ARHGAP32: variants seen among roughly 807,000 people sequenced by gnomAD.
ARHGAP32 encodes the protein Rho GTPase activating protein 32.
A neutral mutation model predicts 186.5 loss-of-function variants in ARHGAP32; 51 were observed. The observed-to-expected ratio is 0.27, with a 90% CI of 0.22 to 0.35. The LOEUF is 0.35. ARHGAP32 is among the 10% of genes least tolerant of loss of function. The probability of loss-of-function intolerance (pLI) is 1.00; values close to 1 mark genes in which losing one functional copy is unlikely to be tolerated. For synonymous variants in ARHGAP32, 950 were observed against 964.3 expected (o/e 0.99, Z 0.27); for missense variants, 2,186 against 2,623.5 (o/e 0.83, Z 3.64).
intron 10 of ARHGAP32, among the ~76,000 whole-genome samples, chr11:129,047,593 A>G (rs2135059419): frequency 6.6e-6 from 1 of 152,144 alleles, no homozygotes; most frequent in Non-Finnish European, 1.5e-5. Context: ...TCACTACCAT[A>G]CTTGCATGTC....
intron 1 of ARHGAP32, among the ~76,000 whole-genome samples, chr11:129,264,079 G>C (rs926669296): frequency 1.3e-5 from 2 of 152,184 alleles, no homozygotes; most frequent in African/African-American, 4.8e-5. Flanking sequence ...AAATCCTTCC[G>C]CATGCTACAA....
At chr11:129,001,237 T>G (rs958000626) in intron 11 of ARHGAP32, among the ~76,000 whole-genome samples, 4 of 152,224 alleles carry the variant, frequency 2.6e-5, no homozygotes, top group African/African-American at 9.6e-5. Context: ...CTAATTTACA[T>G]TCCCACCAAC....
chr11:129,234,013 C>G (rs1018653170), intron 1 of ARHGAP32, among the ~76,000 whole-genome samples: 1 of 151,656 alleles, frequency 6.6e-6, no homozygotes, highest in African/African-American at 2.4e-5. Context: ...TTAAAAAAAC[C>G]TGAAGCAAGA....
intron 11 of ARHGAP32, among the ~76,000 whole-genome samples, chr11:129,035,807 G>A (rs796978794): frequency 4.6e-5 from 7 of 151,864 alleles, no homozygotes; most frequent in South Asian, 2.1e-4. Flanking sequence ...TCACGCCACC[G>A]CACTCCAGCC....
At chr11:129,053,844 G>A (rs1272179903) in intron 10 of ARHGAP32, among the ~76,000 whole-genome samples, 1 of 152,078 alleles carries the variant, frequency 6.6e-6, no homozygotes, top group Admixed American at 6.6e-5. Context: ...TTACTTAACT[G>A]GAGAGTAAAC....
chr11:129,238,756 AAC>A (rs71057936), intron 1 of ARHGAP32, among the ~76,000 whole-genome samples: 68 of 148,346 alleles, frequency 4.6e-4, no homozygotes, highest in South Asian at 3.9e-3. Context: ...ACTTATTTTA[AAC>A]ACACACACAC....
intron 1 of ARHGAP32, among the ~76,000 whole-genome samples, chr11:129,236,686 A>AT (rs1184879938): frequency 1.3e-5 from 2 of 152,164 alleles, no homozygotes; most frequent in Non-Finnish European, 2.9e-5. Flanking sequence ...ATACAATCAC[A>AT]TATCATCAGC....
At chr11:128,978,688 AT>A in intron 19 of ARHGAP32, 81 bp downstream of exon 19, 1 of 1,422,948 alleles carries the variant, frequency 7.0e-7, no homozygotes. Flanking sequence ...GAAGCAGATC[AT>A]AACAATATGT....
At chr11:129,120,228 G>C (rs1942488195) in intron 5 of ARHGAP32, among the ~76,000 whole-genome samples, 1 of 152,054 alleles carries the variant, frequency 6.6e-6, no homozygotes, top group Admixed American at 6.6e-5. Flanking sequence ...CTGACAGAAA[G>C]AAAGATGCCC....
intron 1 of ARHGAP32, among the ~76,000 whole-genome samples, chr11:129,220,548 T>C (rs969189733): frequency 6.6e-6 from 1 of 152,214 alleles, no homozygotes; most frequent in African/African-American, 2.4e-5. Flanking sequence ...GGTCAAGTTT[T>C]CTCAACATGA....
chr11:129,210,664 G>T (rs1015222344), intron 1 of ARHGAP32, among the ~76,000 whole-genome samples: 4 of 152,122 alleles, frequency 2.6e-5, no homozygotes, highest in African/African-American at 9.7e-5. Context: ...TCTGCACAAG[G>T]ACGTACTGGT....
At chr11:129,052,221 G>C (rs1203485945) in intron 10 of ARHGAP32, among the ~76,000 whole-genome samples, 4 of 152,122 alleles carry the variant, frequency 2.6e-5, no homozygotes, top group African/African-American at 4.8e-5. Flanking sequence ...GTGTACAACT[G>C]TATGTATGTA....
In ARHGAP32 at chr11:129,027,888, T is replaced by A. The variant is rs1333885250; in HGVS notation, c.1045+13040A>T. On this transcript the variant is annotated intron_variant, in intron 11 of 22. Coordinates refer to ENST00000682385, the MANE Select transcript of ARHGAP32 (RefSeq NM_001378024.1). ...TCTGGTGTGTTCACTGTTTTAGCCA[T>A]AGCACTTAGTATGCACTCGATAAAT... Among the ~76,000 whole-genome samples, 5 of 152,212 alleles carry A rather than the reference T, an allele frequency of 3.3e-5. No homozygotes were observed. The South Asian group carries it at 1.0e-3, about 31-fold the overall frequency.
At chr11:129,160,410 G>A (rs762064898) in intron 2 of ARHGAP32, among the ~76,000 whole-genome samples, 2 of 152,104 alleles carry the variant, frequency 1.3e-5, no homozygotes, top group African/African-American at 2.4e-5. Context: ...AAAGTCTCAG[G>A]ATACAAAATT....
chr11:129,111,744 A>G (rs1321052058), intron 5 of ARHGAP32, among the ~76,000 whole-genome samples: 1 of 151,542 alleles, frequency 6.6e-6, no homozygotes, highest in African/African-American at 2.4e-5. Context: ...TGTAATGTCT[A>G]TTTTTCTTTT....
chr11:129,095,882 C>T (rs1463126210), intron 5 of ARHGAP32, among the ~76,000 whole-genome samples: 2 of 152,236 alleles, frequency 1.3e-5, no homozygotes, highest in Admixed American at 6.5e-5. Context: ...AAGATACCTT[C>T]AGCATCTCAC....
chr11:129,158,013 A>G (rs1943449751), intron 2 of ARHGAP32, among the ~76,000 whole-genome samples: 1 of 152,236 alleles, frequency 6.6e-6, no homozygotes, highest in Non-Finnish European at 1.5e-5. Flanking sequence ...TCCTTTACAG[A>G]CAAGCAAATG....
intron 2 of ARHGAP32, among the ~76,000 whole-genome samples, 172 bp downstream of exon 2, chr11:129,164,147 A>C (rs1943586493): frequency 6.6e-6 from 1 of 152,088 alleles, no homozygotes; most frequent in Admixed American, 6.6e-5. Flanking sequence ...TACTCTGCCC[A>C]CAGACTCTAC....
chr11:129,139,175 T>C (rs1016967574), intron 2 of ARHGAP32, among the ~76,000 whole-genome samples: 1 of 152,146 alleles, frequency 6.6e-6, no homozygotes, highest in Admixed American at 6.5e-5. Context: ...GGAATCTCCA[T>C]ATTAATTAGT....
Sources: gnomAD v4.1 joint callset for allele counts (sites outside exome capture counted in the v4.1 genomes callset) on GRCh38, gnomAD v4.1.1 for gene constraint, MANE v1.5 for transcripts, NCBI Gene and HGNC (gene_info 2026-07-23, HGNC 2026-07-21) for gene names.